The following AK3 variants were observed in gnomAD, a reference collection of about 807,000 sequenced individuals.
The protein encoded by AK3 is GTP:AMP phosphotransferase AK3, mitochondrial.
AK3 carries 27 observed loss-of-function variants against 23.7 expected under a neutral mutation model. The observed-to-expected ratio is 1.14, with a 90% CI of 0.84 to 1.57. The LOEUF is 1.57. Among genes scored for constraint, AK3 ranks in the 40% most tolerant of loss-of-function variants. The probability of loss-of-function intolerance (pLI) is 0.00; values close to 1 mark genes in which losing one functional copy is unlikely to be tolerated. For missense variants in AK3, 406 were observed against 285.6 expected (o/e 1.42, Z -3.04); for synonymous variants, 159 against 116.0 (o/e 1.37, Z -2.38).
At chr9:4,732,272 T>G (rs1164180829) in intron 1 of AK3, among the ~76,000 whole-genome samples, 1 of 152,204 alleles carries the variant, frequency 6.6e-6, no homozygotes, top group African/African-American at 2.4e-5. Flanking sequence ...TAACATTTTT[T>G]TCTCTCACTT....
chr9:4,728,159 G>A (rs6476904), intron 1 of AK3, among the ~76,000 whole-genome samples: 75,491 of 152,042 alleles, frequency 0.5, 20,114 homozygotes, highest in East Asian at 0.74. Context: ...TGGGAAGTGC[G>A]TACTTGTTGG....
intron 1 of AK3, among the ~76,000 whole-genome samples, chr9:4,732,786 C>G (rs1234299857): frequency 2.0e-5 from 3 of 151,988 alleles, no homozygotes; most frequent in Non-Finnish European, 4.4e-5. Context: ...TCTGAATGAG[C>G]TTATTCAAAC....
rs1842424994 is a variant in AK3, at chr9:4,741,174, G to C, written c.-87C>G. ...CCCGCTCGGCAGCCTGCGCCGGCCG[G>C]CTAGCAGCGCCACTAGCAGGCGGCT... On this transcript the variant is annotated 5_prime_UTR_variant, in exon 1 of 5. Coordinates refer to ENST00000381809, the MANE Select transcript of AK3 (RefSeq NM_016282.4). 3.9e-6 allele frequency: 5 copies of C among 1,297,200 alleles called. No homozygotes were observed. Among genetic ancestry groups the C allele is most frequent in the Middle Eastern group, 2.9e-4 (1 of 3,482 alleles). The allele number at this position is 1,297,200 out of a possible 1,614,324, so 80.4% of individuals were successfully genotyped here.
intron 4 of AK3, 50 bp downstream of exon 4, chr9:4,718,369 A>C (rs760600574): frequency 3.6e-6 from 5 of 1,375,324 alleles, no homozygotes; most frequent in Non-Finnish European, 4.1e-6. Context: ...AATCAAAACT[A>C]GACTTAGTGC....
rs1235082644 is a variant in AK3, at chr9:4,738,312, C to A, written c.151+2625G>T. 2.6e-5 allele frequency among the ~76,000 whole-genome samples: 4 copies of A among 152,096 alleles called. No homozygotes were observed. The South Asian group carries it at 8.3e-4, about 32-fold the overall frequency. On this transcript the variant is annotated intron_variant, in intron 1 of 4. Coordinates refer to ENST00000381809, the MANE Select transcript of AK3 (RefSeq NM_016282.4). ...TCCCAAGTAGCTAGGATTACAAGCG[C>A]CCACCACCATGCCTGGCTAATTTTT... is the stretch of plus-strand genomic sequence containing the variant.
At chr9:4,738,800 CTCTG>C (rs1297659717) in intron 1 of AK3, among the ~76,000 whole-genome samples, 6 of 126,726 alleles carry the variant, frequency 4.7e-5, no homozygotes, top group South Asian at 5.3e-4. Flanking sequence ...CAGGGTATCA[CTCTG>C]TCTGTCACCC....
chr9:4,726,963 G>C (rs1842035324), intron 1 of AK3, among the ~76,000 whole-genome samples: 1 of 152,068 alleles, frequency 6.6e-6, no homozygotes. Flanking sequence ...ATCTCCAGCA[G>C]AGCTTTTGGG....
At chr9:4,739,775 C>CA (rs1842381320) in intron 1 of AK3, among the ~76,000 whole-genome samples, 2 of 151,852 alleles carry the variant, frequency 1.3e-5, no homozygotes, top group South Asian at 2.1e-4. Context: ...ACTAAAAATA[C>CA]AAAAAATTAG....
intron 1 of AK3, among the ~76,000 whole-genome samples, chr9:4,726,890 T>C (rs1207139767): frequency 6.6e-6 from 1 of 152,118 alleles, no homozygotes; most frequent in Admixed American, 6.6e-5. Context: ...TACTCCTTGA[T>C]GCGTGGGCTA....
At chr9:4,718,212 CG>C (rs1404744559) in intron 4 of AK3, among the ~76,000 whole-genome samples, 6 of 152,210 alleles carry the variant, frequency 3.9e-5, no homozygotes, top group African/African-American at 1.4e-4. Flanking sequence ...ACCAAGAGAA[CG>C]GCTACACTGA....
intron 4 of AK3, among the ~76,000 whole-genome samples, chr9:4,716,733 A>G (rs983193164): frequency 2.0e-5 from 3 of 152,170 alleles, no homozygotes; most frequent in African/African-American, 7.2e-5. Context: ...GAGTTTGAGT[A>G]GCCCGTGCAA....
chr9:4,712,985 A>G lies in AK3; in HGVS notation c.675T>C (p.Val225=), dbSNP rs1333177609. 10 of 1,613,230 alleles carry G rather than the reference A, an allele frequency of 6.2e-6. No individual in the cohort carries two copies. The African/African-American group carries it at 1.2e-4, about 19-fold the overall frequency. ...KVPQRSQKAS[V]TP ...TTACACACATTTCTCCTCATGGAGT[A>G]ACTGAAGCTTTCTGGCTTCTTTGTG... The change falls in exon 5 of 5, where the codon GTT becomes GTC. Residue 225 remains valine, a synonymous_variant. Transcript: ENST00000381809.
At chr9:4,740,454 A>T (rs1324752664) in intron 1 of AK3, among the ~76,000 whole-genome samples, 1 of 152,186 alleles carries the variant, frequency 6.6e-6, no homozygotes, top group Non-Finnish European at 1.5e-5. Flanking sequence ...AATATGGGGG[A>T]AAGGTCAGAA....
At chr9:4,734,084 C>T (rs186229152) in intron 1 of AK3, among the ~76,000 whole-genome samples, 8 of 152,234 alleles carry the variant, frequency 5.3e-5, no homozygotes, top group African/African-American at 1.9e-4. Flanking sequence ...GGAAATAGGG[C>T]TTTAAAGGAG....
In AK3 at chr9:4,710,181, T is replaced by C. The variant is rs1215502451; in HGVS notation, c.*2795A>G. On this transcript the variant is annotated 3_prime_UTR_variant, in exon 5 of 5. Coordinates refer to ENST00000381809, the MANE Select transcript of AK3 (RefSeq NM_016282.4). ...GTATAGCAAAATAACTTTTACTCTATAAAATAAATCAGTTGAGGTGCTGTT... is the reference window on the plus strand; with the variant it reads ...GTATAGCAAAATAACTTTTACTCTACAAAATAAATCAGTTGAGGTGCTGTT... The C allele has an allele frequency of 2.6e-5, 4 of 152,088 alleles. No individual in the cohort carries two copies. Among genetic ancestry groups the C allele is most frequent in the African/African-American group, 7.2e-5 (3 of 41,436 alleles). 9.4% of individuals were successfully genotyped at this position (152,088 alleles called of 1,614,324 possible). A position where few individuals can be genotyped will look rare whatever the true frequency, so the allele number is the denominator to read the frequency against.
rs150565078 is a variant in AK3, at chr9:4,726,700, T to C, written c.152-4075A>G. On this transcript the variant is annotated intron_variant, in intron 1 of 4. Coordinates refer to ENST00000381809, the MANE Select transcript of AK3 (RefSeq NM_016282.4). ...TCAACTTCTTCCAAACTCCTGTTAA[T>C]GTTGACACTTTGACCTTCTTCCTGA... Among the ~76,000 whole-genome samples, 449 of 151,762 alleles carry C rather than the reference T, an allele frequency of 3.0e-3. 1 individual carries two copies. Among genetic ancestry groups the C allele is most frequent in the African/African-American group, 0.01 (429 of 41,290 alleles).
intron 1 of AK3, among the ~76,000 whole-genome samples, chr9:4,740,609 C>T (rs982820055): frequency 6.6e-6 from 1 of 152,234 alleles, no homozygotes; most frequent in Non-Finnish European, 1.5e-5. Flanking sequence ...TGCGGCTCAG[C>T]TCGATGGACC....
intron 4 of AK3, among the ~76,000 whole-genome samples, chr9:4,716,076 G>A (rs1373762086): frequency 1.3e-5 from 2 of 152,186 alleles, no homozygotes; most frequent in Admixed American, 6.5e-5. Context: ...GGACAATGGA[G>A]CGGAGTGACT....
Position 4,711,303 on chromosome 9 carries a change from A to C in AK3, c.*1673T>G, listed in dbSNP as rs909031383. 1.3e-5 allele frequency: 2 copies of C among 152,694 alleles called. No homozygotes were observed. Among genetic ancestry groups the C allele is most frequent in the Admixed American group, 1.3e-4 (2 of 15,288 alleles). The allele number at this position is 152,694 out of a possible 1,614,324, so 9.5% of individuals were successfully genotyped here. A position where few individuals can be genotyped will look rare whatever the true frequency, so the allele number is the denominator to read the frequency against. ...TTATGAAATTTCATTTTATTCTGAT[A>C]AAGACTAATATATGCTTGATAACCT... On this transcript the variant is annotated 3_prime_UTR_variant, in exon 5 of 5. Transcript: ENST00000381809.
Sources: gnomAD v4.1 joint callset for allele counts (sites outside exome capture counted in the v4.1 genomes callset) on GRCh38, gnomAD v4.1.1 for gene constraint, MANE v1.5 for transcripts, NCBI Gene and HGNC (gene_info 2026-07-23, HGNC 2026-07-21) for gene names.